The following SYTL3 variants were observed in gnomAD, a reference collection of about 807,000 sequenced individuals.
The protein encoded by SYTL3 is synaptotagmin-like protein 3.
A neutral mutation model predicts 82.1 loss-of-function variants in SYTL3; 88 were observed. The ratio of observed to expected loss-of-function variants is 1.07; its 90% CI spans 0.90 to 1.28. SYTL3 has a LOEUF of 1.28. SYTL3 is among the 50% of genes most tolerant of loss of function. SYTL3 has a pLI of 0.00. For missense variants in SYTL3, 831 were observed against 757.6 expected (o/e 1.10, Z -1.14); for synonymous variants, 311 against 289.4 (o/e 1.07, Z -0.76).
At chr6:158,724,340 C>T (rs993717080) in intron 10 of SYTL3, among the ~76,000 whole-genome samples, 2 of 152,158 alleles carry the variant, frequency 1.3e-5, no homozygotes, top group African/African-American at 4.8e-5. Context: ...TGGAGGTAAT[C>T]CTTTCTTTCA....
upstream of SYTL3, among the ~76,000 whole-genome samples, chr6:158,646,465 C>T (rs528568588): frequency 2.8e-4 from 42 of 152,298 alleles, no homozygotes; most frequent in Non-Finnish European, 4.7e-4. Context: ...CCACCATGCC[C>T]GGCCTAAAAT....
rs1306042777 is a variant in SYTL3 at position 158,763,342 on chromosome 6, A to G, written c.1556A>G (p.Lys519Arg). 6.2e-7 allele frequency: 1 copy of G among 1,614,186 alleles called. No individual in the cohort carries two copies. Among genetic ancestry groups the G allele is most frequent in the Non-Finnish European group, 8.5e-7 (1 of 1,180,032 alleles). The change falls in exon 17 of 18, where the codon AAG becomes AGG. Residue 519 changes from lysine (K) to arginine (R), a missense_variant. Lys to Arg is a conservative substitution (Grantham distance 26). Coordinates refer to ENST00000611299, the MANE Select transcript of SYTL3 (RefSeq NM_001242394.2). The stretch of plus-strand genomic sequence containing the variant: ...CCAGACCAACAAAAACTGAGACTGA[A>G]GTCGCCAGTCCTGAGGAAGCAGGCT... ...TLPDQQKLRL[K>R]SPVLRKQACP...
chr6:158,645,214 T>G (rs1787360038), upstream of SYTL3, among the ~76,000 whole-genome samples: 1 of 152,134 alleles, frequency 6.6e-6, no homozygotes, highest in Non-Finnish European at 1.5e-5. Context: ...AAACTTCCCT[T>G]TGGGGAGTTA....
intron 6 of SYTL3, among the ~76,000 whole-genome samples, chr6:158,686,560 A>T (rs1779315105): frequency 6.6e-6 from 1 of 152,184 alleles, no homozygotes. Flanking sequence ...GGATCAGGTG[A>T]CAGAGGTTTA....
rs1226066229 is a variant in SYTL3, at chr6:158,763,361, G to A, written c.1575G>A (p.Lys525=). ...GACTGAAGTCGCCAGTCCTGAGGAA[G>A]CAGGCTTGCCCCCAGTGGAAACACT... ...KLRLKSPVLR[K]QACPQWKHSF... Residue 525 remains lysine (K), a synonymous_variant, in exon 17 of 18, where the codon AAG becomes AAA. Transcript: ENST00000611299. The A allele has an allele frequency of 8.1e-6, 13 of 1,614,118 alleles. No individual in the cohort carries two copies. In the African/African-American group the frequency reaches 1.1e-4, roughly 13 times the overall value.
intron 2 of SYTL3, among the ~76,000 whole-genome samples, chr6:158,659,852 A>G (rs183296490): frequency 1.7e-3 from 262 of 152,174 alleles, no homozygotes; most frequent in Non-Finnish European, 3.4e-3. Flanking sequence ...GTCCTTTTTC[A>G]CTGGCTGCTG....
Position 158,757,275 on chromosome 6 carries a change from C to T in SYTL3, c.1202C>T (p.Thr401Met), listed in dbSNP as rs144944529. 9.6e-5 allele frequency: 155 copies of T among 1,613,334 alleles called. 1 individual carries two copies. In the African/African-American group the frequency reaches 1.8e-3, roughly 18 times the overall value. The change falls in exon 14 of 18, where the codon ACG becomes ATG. Residue 401 changes from threonine to methionine, a missense_variant. Transcript: ENST00000611299. ...QLQVSVWHLGTLARRVFLGEV... is the reference protein window; with the variant it reads ...QLQVSVWHLGMLARRVFLGEV... ...CAGGTCTCGGTGTGGCATCTGGGCA[C>T]GCTGGCCCGGAGAGTGTTTCTTGGA...
At chr6:158,723,759 T>C (rs1172035428) in intron 10 of SYTL3, among the ~76,000 whole-genome samples, 2 of 152,242 alleles carry the variant, frequency 1.3e-5, no homozygotes, top group African/African-American at 2.4e-5. Flanking sequence ...TACTTTTTCC[T>C]CTGGCACACC....
chr6:158,676,949 CTG>C (rs1167009760), intron 5 of SYTL3, among the ~76,000 whole-genome samples: 2 of 152,108 alleles, frequency 1.3e-5, no homozygotes, highest in African/African-American at 4.8e-5. Context: ...CACTTTTACA[CTG>C]TTGGTGGGAC....
At chr6:158,645,045 C>G (rs557291648), upstream of SYTL3, among the ~76,000 whole-genome samples, 37 of 152,332 alleles carry the variant, frequency 2.4e-4, no homozygotes, top group African/African-American at 8.7e-4. Context: ...GGTCCCGGCC[C>G]CTCCTCCGGT....
At chr6:158,724,271 A>G (rs1215603844) in intron 10 of SYTL3, among the ~76,000 whole-genome samples, 1 of 152,210 alleles carries the variant, frequency 6.6e-6, no homozygotes, top group Admixed American at 6.5e-5. Context: ...GTGTTGCTTA[A>G]TAAATAAATG....
At chr6:158,696,809 C>G (rs1456895896) in intron 6 of SYTL3, among the ~76,000 whole-genome samples, 2 of 151,828 alleles carry the variant, frequency 1.3e-5, no homozygotes, top group Non-Finnish European at 2.9e-5. Flanking sequence ...CAGTGTGGTA[C>G]TGATATAAAG....
At chr6:158,668,593 AT>A (rs1283974511) in intron 5 of SYTL3, among the ~76,000 whole-genome samples, 10 of 152,332 alleles carry the variant, frequency 6.6e-5, no homozygotes, top group Non-Finnish European at 1.5e-4. Flanking sequence ...GAGCCTGAGC[AT>A]GTGCTCTTTG....
At chr6:158,718,649 G>A (rs1300946991) in intron 10 of SYTL3, among the ~76,000 whole-genome samples, 1 of 152,216 alleles carries the variant, frequency 6.6e-6, no homozygotes, top group Admixed American at 6.5e-5. Flanking sequence ...GCCTGTGGGG[G>A]CGCTCTTCCC....
intron 6 of SYTL3, among the ~76,000 whole-genome samples, chr6:158,693,850 C>CTTTTTTTTTTTT (rs1357595960): frequency 2.1e-4 from 12 of 58,436 alleles, no homozygotes; most frequent in Middle Eastern, 7.5e-3. Context: ...CTTTCTTTTT[C>CTTTTTTTTTTTT]TTTTCTTTTT....
intron 6 of SYTL3, among the ~76,000 whole-genome samples, chr6:158,699,278 A>G (rs914615363): frequency 6.6e-6 from 1 of 152,172 alleles, no homozygotes; most frequent in Non-Finnish European, 1.5e-5. Flanking sequence ...AGGAGAGAAG[A>G]GTTGGAGCAA....
chr6:158,754,292 T>C (rs968815986), intron 13 of SYTL3, among the ~76,000 whole-genome samples: 3 of 152,106 alleles, frequency 2.0e-5, no homozygotes, highest in Non-Finnish European at 4.4e-5. Flanking sequence ...CTGGAGAGGA[T>C]GAAGTGATCT....
At chr6:158,679,062 G>T (rs1271947862) in intron 5 of SYTL3, among the ~76,000 whole-genome samples, 1 of 152,100 alleles carries the variant, frequency 6.6e-6, no homozygotes, top group African/African-American at 2.4e-5. Context: ...GGCAGTGAGT[G>T]GTCCTCCTTT....
intron 6 of SYTL3, among the ~76,000 whole-genome samples, chr6:158,697,275 C>CA (rs1554252380): frequency 0.022 from 2,339 of 105,388 alleles, 74 homozygotes; most frequent in African/African-American, 0.09. Flanking sequence ...CCCATCTCTA[C>CA]GGAAAAAAAA....
Sources: gnomAD v4.1 joint callset for allele counts (sites outside exome capture counted in the v4.1 genomes callset) on GRCh38, gnomAD v4.1.1 for gene constraint, MANE v1.5 for transcripts, NCBI Gene and HGNC (gene_info 2026-07-23, HGNC 2026-07-21) for gene names.